WWOX: variants seen among roughly 807,000 people sequenced by gnomAD.
The protein encoded by WWOX is WW domain containing oxidoreductase, also known as WW domain-containing oxidoreductase.
In WWOX, 69 loss-of-function variants were observed where a neutral mutation model predicts 46.2. That is an observed-to-expected ratio of 1.49 (90% CI 1.23 to 1.82). The LOEUF is 1.82. Among genes scored for constraint, WWOX ranks in the 40% most tolerant of loss-of-function variants. The pLI is 0.00. For missense variants in WWOX, 919 were observed against 542.6 expected, an observed-to-expected ratio of 1.69 and a Z score of -6.89; for synonymous variants, 359 against 202.6, an observed-to-expected ratio of 1.77 and a Z score of -6.56.
intron 8 of WWOX, among the ~76,000 whole-genome samples, chr16:78,926,391 C>T (rs534014113): frequency 1.1e-4 from 16 of 151,596 alleles, no homozygotes; most frequent in African/African-American, 3.9e-4. Context: ...AAAAAAAGTT[C>T]CTAAGAAAAT....
chr16:78,640,226 G>GTT lies in WWOX; in HGVS notation c.1056+207501_1056+207502dup, dbSNP rs34129775. Among the ~76,000 whole-genome samples the GTT allele has an allele frequency of 1.5e-3, 100 of 65,366 alleles. 3 individuals are homozygous for GTT. The highest frequency in any genetic ancestry group is 4.2e-3 in the African/African-American group (69 of 16,296). 42.9% of individuals were successfully genotyped at this position (65,366 alleles called of 152,430 possible). ...GTGTGTGTTTTCTTCTTGTTGTTGG[G>GTT]TTTTTTTTTTTTTTTTTTTTTTTTT... On this transcript the variant is annotated intron_variant, in intron 8 of 8. Coordinates refer to ENST00000566780, the MANE Select transcript of WWOX (RefSeq NM_016373.4).
chr16:78,832,579 C>A lies in WWOX; in HGVS notation c.1057-379029C>A, dbSNP rs74789475. 9.6e-4 allele frequency among the ~76,000 whole-genome samples: 146 copies of A among 152,254 alleles called. 1 individual carries two copies. Among genetic ancestry groups the A allele is most frequent in the African/African-American group, 3.3e-3 (139 of 41,548 alleles). On this transcript the variant is annotated intron_variant, in intron 8 of 8. Coordinates refer to ENST00000566780, the MANE Select transcript of WWOX (RefSeq NM_016373.4). ...CTAACACCTGCTCGCTTCACTGGTT[C>A]GGCTATTGGCAGTGGCATGGAGTGT...
At chr16:78,666,038 A>C (rs1373952240) in intron 8 of WWOX, among the ~76,000 whole-genome samples, 1 of 151,776 alleles carries the variant, frequency 6.6e-6, no homozygotes, top group Non-Finnish European at 1.5e-5. Flanking sequence ...TAATCCCAAC[A>C]CTCTGGGAGG....
chr16:78,947,933 AC>A (rs1191711207), intron 8 of WWOX, among the ~76,000 whole-genome samples: 19 of 152,240 alleles, frequency 1.2e-4, no homozygotes, highest in Non-Finnish European at 4.4e-5. Context: ...ATTGAAAAAA[AC>A]ACCAGTAATT....
At chr16:78,785,766 C>G (rs1040805958) in intron 8 of WWOX, among the ~76,000 whole-genome samples, 1 of 152,128 alleles carries the variant, frequency 6.6e-6, no homozygotes, top group African/African-American at 2.4e-5. Context: ...AGACATATGT[C>G]AGAACTTCAC....
intron 8 of WWOX, among the ~76,000 whole-genome samples, chr16:78,476,068 T>A (rs2084342023): frequency 6.6e-6 from 1 of 152,180 alleles, no homozygotes; most frequent in African/African-American, 2.4e-5. Flanking sequence ...TGACAGGAAT[T>A]GCCCCTGGAA....
intron 8 of WWOX, among the ~76,000 whole-genome samples, chr16:78,924,820 G>T (rs1310042633): frequency 2.0e-5 from 3 of 152,162 alleles, no homozygotes; most frequent in African/African-American, 7.2e-5. Context: ...AGTGATTGTT[G>T]GTGTCAACAT....
At chr16:79,056,292 A>G (rs1004943215) in intron 8 of WWOX, among the ~76,000 whole-genome samples, 1 of 152,156 alleles carries the variant, frequency 6.6e-6, no homozygotes. Flanking sequence ...GGAGAGGAAA[A>G]TAGAACCCCT....
rs550134377 is a variant in WWOX at position 78,525,677 on chromosome 16, A to G, written c.1056+92925A>G. 3.9e-5 allele frequency: 6 copies of G among 152,260 alleles called. No individual in the cohort carries two copies. The East Asian group carries it at 1.2e-3, about 29-fold the overall frequency. 9.4% of individuals were successfully genotyped at this position (152,260 alleles called of 1,614,324 possible). A position where few individuals can be genotyped will look rare whatever the true frequency, so the allele number is the denominator to read the frequency against. On this transcript the variant is annotated intron_variant, in intron 8 of 8. Coordinates refer to ENST00000566780, the MANE Select transcript of WWOX (RefSeq NM_016373.4). ...CATTATTCACCTCTCCCACCCAAGG[A>G]CAATGGTGGGCTGGACAGAGCATTC...
intron 6 of WWOX, among the ~76,000 whole-genome samples, chr16:78,396,725 A>G (rs2151941236): frequency 6.6e-6 from 1 of 152,320 alleles, no homozygotes; most frequent in African/African-American, 2.4e-5. Flanking sequence ...GATAGTAAAT[A>G]TTTTTGCTCT....
intron 8 of WWOX, among the ~76,000 whole-genome samples, chr16:78,955,139 G>A (rs549244511): frequency 2.0e-5 from 3 of 152,244 alleles, no homozygotes; most frequent in South Asian, 2.1e-4. Context: ...TGGCCCACAG[G>A]AAAAGGAAAC....
intron 5 of WWOX, among the ~76,000 whole-genome samples, chr16:78,213,163 A>G (rs1478707052): frequency 6.8e-6 from 1 of 147,388 alleles, no homozygotes; most frequent in African/African-American, 2.5e-5. Flanking sequence ...AGGCACAAGG[A>G]TTGCTTGAAC....
At chr16:78,779,052 T>C (rs1391903420) in intron 8 of WWOX, among the ~76,000 whole-genome samples, 2 of 152,214 alleles carry the variant, frequency 1.3e-5, no homozygotes, top group African/African-American at 4.8e-5. Context: ...TGGAATGTTA[T>C]AGCCGGAAGG....
intron 8 of WWOX, among the ~76,000 whole-genome samples, chr16:78,748,229 A>C (rs924369740): frequency 5.3e-5 from 8 of 152,176 alleles, no homozygotes; most frequent in African/African-American, 1.9e-4. Context: ...TACATATCTG[A>C]TGAATGAATG....
At position 78,144,456 on chromosome 16, in the gene WWOX, TATATATAC is replaced by T. The variant is rs2034107078; in HGVS notation, c.410-19725_410-19718del. Among the ~76,000 whole-genome samples the T allele has an allele frequency of 8.7e-5, 3 of 34,410 alleles. 1 individual carries two copies. Among genetic ancestry groups the T allele is most frequent in the Non-Finnish European group, 1.6e-4 (3 of 19,144 alleles). The allele number at this position is 34,410 out of a possible 152,430, so 22.6% of individuals were successfully genotyped here. ...ATATATATATATATATACACATATA[TATATATAC>T]ACACATATATATATATATATATACA... On this transcript the variant is annotated intron_variant, in intron 4 of 8. Transcript: ENST00000566780.
At chr16:78,352,415 A>G (rs1230715244) in intron 5 of WWOX, among the ~76,000 whole-genome samples, 7 of 152,210 alleles carry the variant, frequency 4.6e-5, no homozygotes, top group Admixed American at 6.5e-5. Flanking sequence ...TAGGTTCTAG[A>G]AGAGAACCCA....
chr16:78,225,779 A>G (rs1402444736), intron 5 of WWOX, among the ~76,000 whole-genome samples: 1 of 152,172 alleles, frequency 6.6e-6, no homozygotes, highest in African/African-American at 2.4e-5. Context: ...TAATGCATGA[A>G]ATATTAGGTT....
At chr16:78,212,731 A>G (rs2036595988) in intron 5 of WWOX, among the ~76,000 whole-genome samples, 1 of 152,116 alleles carries the variant, frequency 6.6e-6, no homozygotes, top group Non-Finnish European at 1.5e-5. Flanking sequence ...GCCCTTGATA[A>G]CTCATGAACA....
At chr16:78,990,901 T>C (rs1311196074) in intron 8 of WWOX, among the ~76,000 whole-genome samples, 2 of 152,190 alleles carry the variant, frequency 1.3e-5, no homozygotes, top group Non-Finnish European at 2.9e-5. Context: ...GCATGAGTGA[T>C]TTTTCCCTTA....
Sources: gnomAD v4.1 joint callset for allele counts (sites outside exome capture counted in the v4.1 genomes callset) on GRCh38, gnomAD v4.1.1 for gene constraint, MANE v1.5 for transcripts, NCBI Gene and HGNC (gene_info 2026-07-23, HGNC 2026-07-21) for gene names.